Variants in KIAA1217 observed in about 807,000 individuals in gnomAD.
The protein encoded by KIAA1217 is sickle tail protein homolog.
A neutral mutation model predicts 163.9 loss-of-function variants in KIAA1217; 88 were observed. The ratio of observed to expected loss-of-function variants is 0.54; its 90% CI spans 0.45 to 0.64. KIAA1217 has a LOEUF of 0.64. Ranked by LOEUF, KIAA1217 falls within the 30% of genes least tolerant of loss-of-function variation. KIAA1217 has a pLI of 0.00. For synonymous variants in KIAA1217, 903 were observed against 923.1 expected, an observed-to-expected ratio of 0.98 and a Z score of 0.39; for missense variants, 2,372 against 2,475.0, an observed-to-expected ratio of 0.96 and a Z score of 0.88.
chr10:24,347,663 A>G (rs1359125203), intron 2 of KIAA1217, among the ~76,000 whole-genome samples: 2 of 152,188 alleles, frequency 1.3e-5, no homozygotes, highest in East Asian at 3.8e-4. Context: ...AAAATATACT[A>G]GGATAAAAAA....
chr10:24,468,014 A>G (rs1276727136), intron 5 of KIAA1217, among the ~76,000 whole-genome samples: 5 of 152,146 alleles, frequency 3.3e-5, no homozygotes, highest in African/African-American at 1.2e-4. Context: ...TTCTAGGAAG[A>G]TCTCTCCTTA....
At chr10:24,034,789 G>A (rs1011035644) in intron 2 of KIAA1217, among the ~76,000 whole-genome samples, 6 of 152,144 alleles carry the variant, frequency 3.9e-5, no homozygotes, top group Admixed American at 3.3e-4. Context: ...CTGCACACAG[G>A]AAGCTGTTCT....
intron 1 of KIAA1217, among the ~76,000 whole-genome samples, chr10:23,936,931 T>C (rs1365617455): frequency 6.6e-6 from 1 of 152,050 alleles, no homozygotes; most frequent in African/African-American, 2.4e-5. Flanking sequence ...CAGACTGGAG[T>C]GCAGTGGTGT....
intron 2 of KIAA1217, among the ~76,000 whole-genome samples, chr10:24,134,440 C>T (rs1412783950): frequency 6.6e-6 from 1 of 152,174 alleles, no homozygotes; most frequent in African/African-American, 2.4e-5. Context: ...AGCAGGTTGT[C>T]TGCACAAAAG....
chr10:24,206,816 G>A (rs577610361), upstream of KIAA1217, among the ~76,000 whole-genome samples: 4 of 152,124 alleles, frequency 2.6e-5, no homozygotes, highest in African/African-American at 7.2e-5. Flanking sequence ...GGCTTGGCCC[G>A]TATGGGGGAG....
chr10:24,084,910 CTTTT>C (rs1197313508), intron 2 of KIAA1217, among the ~76,000 whole-genome samples: 1 of 123,810 alleles, frequency 8.1e-6, no homozygotes, highest in African/African-American at 3.4e-5. Context: ...GCAGAGTTTA[CTTTT>C]TTTTTTTTTT....
At chr10:24,378,721 G>A (rs1305271776) in intron 2 of KIAA1217, among the ~76,000 whole-genome samples, 1 of 151,890 alleles carries the variant, frequency 6.6e-6, no homozygotes, top group Non-Finnish European at 1.5e-5. Context: ...ACTAAATGAT[G>A]TCTCAGCAGC....
chr10:24,389,206 T>G (rs1351635107), intron 3 of KIAA1217, among the ~76,000 whole-genome samples: 2 of 152,130 alleles, frequency 1.3e-5, no homozygotes, highest in African/African-American at 2.4e-5. Flanking sequence ...ATACACCATG[T>G]AATACTATGT....
At chr10:24,312,550 C>T (rs1257372195) in intron 2 of KIAA1217, among the ~76,000 whole-genome samples, 1 of 152,048 alleles carries the variant, frequency 6.6e-6, no homozygotes, top group African/African-American at 2.4e-5. Flanking sequence ...ACCTGGGAAG[C>T]GGAGGTTGCA....
chr10:23,993,855 C>T (rs1469399839), intron 1 of KIAA1217, among the ~76,000 whole-genome samples: 1 of 152,108 alleles, frequency 6.6e-6, no homozygotes, highest in Admixed American at 6.5e-5. Context: ...GCTGGGATTA[C>T]AGGCATGAGC....
At position 24,498,815 on chromosome 10, in the gene KIAA1217, C is replaced by CA. The variant is rs895052860; in HGVS notation, c.1835-2557dup. 2.8e-4 allele frequency among the ~76,000 whole-genome samples: 42 copies of CA among 152,076 alleles called. 1 individual carries two copies. Among genetic ancestry groups the CA allele is most frequent in the Non-Finnish European group, 4.9e-4 (33 of 68,014 alleles). On this transcript the variant is annotated intron_variant, in intron 8 of 20. Transcript: ENST00000376454. ...GTGACAGAGCGAAACCATGTTAAAA[C>CA]AAAAAAATTGCGCTGTGAAAGTTAT...
intron 1 of KIAA1217, among the ~76,000 whole-genome samples, chr10:23,810,936 C>CTATAGTATATATTATATAATATA (rs1161780382): frequency 1.6e-4 from 18 of 110,266 alleles, no homozygotes; most frequent in South Asian, 2.5e-4. Flanking sequence ...AGTATATATA[C>CTATAGTATATATTATATAATATA]TATAGTATAT....
intron 3 of KIAA1217, among the ~76,000 whole-genome samples, chr10:24,391,223 C>A (rs547185601): frequency 6.6e-6 from 1 of 151,754 alleles, no homozygotes; most frequent in Non-Finnish European, 1.5e-5. Context: ...CCCTCAGGCA[C>A]CATTATTTTA....
At chr10:24,524,186 T>C in intron 12 of KIAA1217, 137 bp from the exon 13 acceptor site, 1 of 795,186 alleles carries the variant, frequency 1.3e-6, no homozygotes, top group Non-Finnish European at 2.0e-6. Flanking sequence ...GGGATATGTC[T>C]ATACATGTCC....
chr10:23,804,193 T>C (rs550390203), intron 1 of KIAA1217, among the ~76,000 whole-genome samples: 8 of 152,240 alleles, frequency 5.3e-5, no homozygotes, highest in Admixed American at 2.0e-4. Context: ...TTCACCTTTA[T>C]TAGGAGGACA....
At chr10:24,275,499 G>C (rs1004319701) in intron 2 of KIAA1217, among the ~76,000 whole-genome samples, 5 of 152,192 alleles carry the variant, frequency 3.3e-5, no homozygotes, top group African/African-American at 4.8e-5. Context: ...GTTGTCCACT[G>C]TCCTGCCATG....
chr10:24,345,529 T>G (rs780411921), intron 2 of KIAA1217, among the ~76,000 whole-genome samples: 1 of 152,210 alleles, frequency 6.6e-6, no homozygotes. Flanking sequence ...GAACCTAAGA[T>G]CTTCAGTCCG....
At chr10:24,532,434 G>C (rs914831031) in intron 15 of KIAA1217, among the ~76,000 whole-genome samples, 2 of 152,208 alleles carry the variant, frequency 1.3e-5, no homozygotes, top group Non-Finnish European at 2.9e-5. Flanking sequence ...TTTCCAAAGA[G>C]ATGCAGTATG....
intron 1 of KIAA1217, among the ~76,000 whole-genome samples, chr10:23,886,335 AT>A (rs1473307826): frequency 2.0e-5 from 3 of 151,968 alleles, no homozygotes; most frequent in Admixed American, 6.6e-5. Flanking sequence ...TCTCATGTTC[AT>A]TCAAAAGGAT....
Sources: gnomAD v4.1 joint callset for allele counts (sites outside exome capture counted in the v4.1 genomes callset) on GRCh38, gnomAD v4.1.1 for gene constraint, MANE v1.5 for transcripts, NCBI Gene and HGNC (gene_info 2026-07-23, HGNC 2026-07-21) for gene names.